MSLN: variants seen among roughly 807,000 people sequenced by gnomAD.
The protein encoded by MSLN is CAK1 antigen.
A neutral mutation model predicts 72.6 loss-of-function variants in MSLN; 82 were observed. That is an observed-to-expected ratio of 1.13 (90% confidence interval 0.94 to 1.36). The LOEUF is 1.36. Ranked by LOEUF, MSLN falls within the 40% of genes most tolerant of loss-of-function variation. The pLI is 0.00. For synonymous variants in MSLN, 456 were observed against 387.3 expected, an observed-to-expected ratio of 1.18 and a Z score of -2.08; for missense variants, 1,005 against 847.9, an observed-to-expected ratio of 1.19 and a Z score of -2.30.
chr16:768,370 C>T lies in MSLN; in HGVS notation c.1597-9C>T. The T allele has an allele frequency of 1.3e-6, 2 of 1,502,392 alleles. No individual in the cohort carries two copies. Among genetic ancestry groups the T allele is most frequent in the Non-Finnish European group, 8.9e-7 (1 of 1,124,346 alleles). The allele number at this position is 1,502,392 out of a possible 1,614,324, so 93.1% of individuals were successfully genotyped here. A position where few individuals can be genotyped will look rare whatever the true frequency, so the allele number is the denominator to read the frequency against. On this transcript the variant is annotated splice_polypyrimidine_tract_variant and intron_variant, in intron 16 of 17. Transcript: ENST00000545450. ...ACCCTCCTTGATGGCTGCCCGGGGTCTCTGGCAGCCGTTGACTGTGGCTGA... is the reference window on the plus strand; with the variant it reads ...ACCCTCCTTGATGGCTGCCCGGGGTTTCTGGCAGCCGTTGACTGTGGCTGA...
At chr16:766,537 T>C in intron 13 of MSLN, 47 bp downstream of exon 13, 1 of 1,610,896 alleles carries the variant, frequency 6.2e-7, no homozygotes, top group Non-Finnish European at 8.5e-7. Flanking sequence ...TGGGAAGGGC[T>C]GAGGGGCAGA....
chr16:763,922 G>A, intron 5 of MSLN, 101 bp from the exon 6 acceptor site: 2 of 1,514,476 alleles, frequency 1.3e-6, no homozygotes, highest in Admixed American at 1.9e-5. Context: ...GGGAGCACCA[G>A]GGTCCTTTGG....
chr16:766,138 C>T lies in MSLN; in HGVS notation c.975C>T (p.Ala325=). The T allele has an allele frequency of 1.9e-6, 3 of 1,612,772 alleles. No homozygotes were observed. The highest frequency in any genetic ancestry group is 2.2e-5 in the South Asian group (2 of 91,086). The change falls in exon 12 of 18, where the codon GCC becomes GCT. Residue 325 remains alanine, a synonymous_variant. Transcript: ENST00000545450. The part of the protein sequence containing the change: ...LIFYKKWELE[A]CVDAALLATQ... ...TCTACAAGAAGTGGGAGCTGGAAGCCTGCGTGGATGCGGCCCTGCTGGCCA... is the reference window on the plus strand; with the variant it reads ...TCTACAAGAAGTGGGAGCTGGAAGCTTGCGTGGATGCGGCCCTGCTGGCCA...
chr16:765,010 C>A lies in MSLN; in HGVS notation c.484C>A (p.Leu162Met). The A allele has an allele frequency of 1.2e-6, 2 of 1,611,650 alleles. No individual in the cohort carries two copies. Among genetic ancestry groups the A allele is most frequent in the Non-Finnish European group, 1.7e-6 (2 of 1,179,516 alleles). Residue 162 changes from leucine (L) to methionine (M), a missense_variant, in exon 8 of 18, where the codon CTG becomes ATG. Transcript: ENST00000545450. ...LPRGAPERQRLLPAALACWGV... is the reference protein window; with the variant it reads ...LPRGAPERQRMLPAALACWGV... The stretch of plus-strand genomic sequence containing the variant: ...GAGGGGGGCTCCCGAGCGACAGCGG[C>A]TGCTGCCTGCGGCTCTGGCCTGCTG...
In MSLN at chr16:764,432, C is replaced by T. The variant is rs188133179; in HGVS notation, c.301-215C>T. On this transcript the variant is annotated intron_variant, in intron 6 of 17. Transcript: ENST00000545450. The stretch of plus-strand genomic sequence containing the variant: ...CTCTGCCCCAAGGGTGAATCTTTTT[C>T]GGGGGAGTGGGTGAGATCTGGGGAA... 5.2e-3 allele frequency among the ~76,000 whole-genome samples: 796 copies of T among 152,246 alleles called. 3 individuals carry two copies. The highest frequency in any genetic ancestry group is 8.9e-3 in the Non-Finnish European group (606 of 67,978).
rs1003903319 is a variant in MSLN at position 768,860 on chromosome 16, A to G, written c.*127A>G. The G allele has an allele frequency of 6.7e-6, 6 of 898,008 alleles. No individual in the cohort carries two copies. The African/African-American group carries it at 8.3e-5, about 12-fold the overall frequency. 55.6% of individuals were successfully genotyped at this position (898,008 alleles called of 1,614,324 possible). On this transcript the variant is annotated 3_prime_UTR_variant, in exon 18 of 18. Transcript: ENST00000545450. ...GTAAACGGGAACATGCCCCCTGCAG[A>G]CACGTCTTGTGGCCTCCGAGGACTT...
intron 11 of MSLN, 128 bp from the exon 12 acceptor site, chr16:765,931 T>A: frequency 7.6e-7 from 1 of 1,319,526 alleles, no homozygotes; most frequent in Non-Finnish European, 1.0e-6. Flanking sequence ...GAATCCCTGT[T>A]TGCCAGTGGG....
Position 765,694 on chromosome 16 carries a change from A to C in MSLN, c.799A>C (p.Ile267Leu). 1.9e-6 allele frequency: 3 copies of C among 1,600,876 alleles called. No homozygotes were observed. The highest frequency in any genetic ancestry group is 1.3e-5 in the African/African-American group (1 of 75,022). Residue 267 changes from isoleucine (I) to leucine (L), a missense_variant, in exon 11 of 18, where the codon ATC (isoleucine) becomes CTC (leucine). Transcript: ENST00000545450. Reference sequence around the variant, plus strand: ...CCCAGGTCCTGCTCGTCCTCAGGGCATCGTGGCCGCGTGGCGGCAACGCTC... The same window carrying C: ...CCCAGGTCCTGCTCGTCCTCAGGGCCTCGTGGCCGCGTGGCGGCAACGCTC... ...QPIIRSIPQG[I>L]VAAWRQRSSR... is the part of the protein sequence containing the mutation.
At chr16:763,181 C>T in intron 3 of MSLN, 52 bp from the exon 4 acceptor site, 1 of 1,271,220 alleles carries the variant, frequency 7.9e-7, no homozygotes, top group Admixed American at 2.2e-5. Context: ...TGGGTCAGGG[C>T]ACAGCCCAGA....
At chr16:765,497 G>A in intron 9 of MSLN, 30 bp from the exon 10 acceptor site, 4 of 1,581,856 alleles carry the variant, frequency 2.5e-6, no homozygotes, top group Non-Finnish European at 3.4e-6. Flanking sequence ...CACGTGGGGG[G>A]TCCCTGAGCT....
chr16:767,120 A>C, intron 15 of MSLN, 108 bp downstream of exon 15: 1 of 1,541,756 alleles, frequency 6.5e-7, no homozygotes, highest in Non-Finnish European at 8.8e-7. Flanking sequence ...TGCCAGGGTA[A>C]CTGGGTGGTC....
Position 768,810 on chromosome 16 carries a change from T to A in MSLN, c.*77T>A. ...AGGAGCAGGCACGGGTGGTCCCCGT[T>A]CCACCCCAAGAGAACTCGCGCTCAG... On this transcript the variant is annotated 3_prime_UTR_variant, in exon 18 of 18. Coordinates refer to ENST00000545450, the MANE Select transcript of MSLN (RefSeq NM_005823.6). 1 of 1,405,362 alleles carries A rather than the reference T, an allele frequency of 7.1e-7. No individual in the cohort carries two copies. Among genetic ancestry groups the A allele is most frequent in the Non-Finnish European group, 9.9e-7 (1 of 1,005,900 alleles). 87.1% of individuals were successfully genotyped at this position (1,405,362 alleles called of 1,614,324 possible).
rs1457395210 is a variant in MSLN at position 762,739 on chromosome 16, G to T, written c.59G>T (p.Ser20Ile). Residue 20 changes from serine (S) to isoleucine (I), a missense_variant, in exon 3 of 18, where the codon AGC becomes ATC. By Grantham distance (142) the Ser-to-Ile change is moderately radical. Coordinates refer to ENST00000545450, the MANE Select transcript of MSLN (RefSeq NM_005823.6). ...TCCTGTGGGACCCCCGCCCTCGGCA[G>T]CCTCCTGTTCCTGCTCTTCAGCCTC... is the stretch of plus-strand genomic sequence containing the variant. ...LGSCGTPALG[S>I]LLFLLFSLGW... 7 of 1,602,136 alleles carry T rather than the reference G, an allele frequency of 4.4e-6. No individual in the cohort carries two copies. Among genetic ancestry groups the T allele is most frequent in the African/African-American group, 1.3e-5 (1 of 74,640 alleles).
At chr16:762,083 C>T (rs75860597) in intron 2 of MSLN, among the ~76,000 whole-genome samples, 13 of 152,340 alleles carry the variant, frequency 8.5e-5, no homozygotes, top group African/African-American at 2.6e-4. Flanking sequence ...GGCCCAGCCC[C>T]GCCCCACCTG....
rs1244988874 is a variant in MSLN at position 762,730 on chromosome 16, C to T, written c.50C>T (p.Ala17Val). 2 of 1,602,874 alleles carry T rather than the reference C, an allele frequency of 1.2e-6. No homozygotes were observed. Among genetic ancestry groups the T allele is most frequent in the Non-Finnish European group, 1.7e-6 (2 of 1,175,936 alleles). ...RPLLGSCGTP[A>V]LGSLLFLLFS... is the part of the protein sequence containing the mutation. The stretch of plus-strand genomic sequence containing the variant: ...CTGTTGGGGTCCTGTGGGACCCCCG[C>T]CCTCGGCAGCCTCCTGTTCCTGCTC... Residue 17 changes from alanine to valine, a missense_variant, in exon 3 of 18, where the codon GCC (alanine) becomes GTC (valine). Coordinates refer to ENST00000545450, the MANE Select transcript of MSLN (RefSeq NM_005823.6).
At chr16:768,244 G>T in intron 16 of MSLN, 135 bp from the exon 17 acceptor site, 6 of 851,222 alleles carry the variant, frequency 7.0e-6, no homozygotes, top group Non-Finnish European at 1.0e-5. Context: ...CAGCTGGCCG[G>T]AGACCTCCGA....
At chr16:763,152 C>G in intron 3 of MSLN, 81 bp from the exon 4 acceptor site, 2 of 947,716 alleles carry the variant, frequency 2.1e-6, no homozygotes, top group South Asian at 1.5e-5. Flanking sequence ...GGCGGCCAGG[C>G]TCTGCCTCCT....
At chr16:760,878 G>C (rs1287076300) in intron 1 of MSLN, 57 bp downstream of exon 1, 1 of 152,376 alleles carries the variant, frequency 6.6e-6, no homozygotes, top group Non-Finnish European at 1.5e-5. Flanking sequence ...ACTGAGACCT[G>C]GGAGGGGCCA....
intron 3 of MSLN, 23 bp downstream of exon 3, chr16:762,788 G>C: frequency 1.9e-6 from 3 of 1,547,594 alleles, no homozygotes; most frequent in Non-Finnish European, 2.6e-6. Context: ...TGGGGCTGCT[G>C]GTGAGGTGGG....
Sources: gnomAD v4.1 joint callset for allele counts (sites outside exome capture counted in the v4.1 genomes callset) on GRCh38, gnomAD v4.1.1 for gene constraint, MANE v1.5 for transcripts, NCBI Gene and HGNC (gene_info 2026-07-23, HGNC 2026-07-21) for gene names.